Variants in DOK6 observed in about 807,000 individuals in gnomAD.
DOK6 encodes downstream of tyrosine kinase 6.
Under a neutral mutation model 44.0 loss-of-function variants are expected in DOK6, and 22 were observed. The ratio of observed to expected loss-of-function variants is 0.50; its 90% CI spans 0.36 to 0.71. The LOEUF is 0.71. DOK6 is among the 30% of genes least tolerant of loss of function. The probability of loss-of-function intolerance (pLI) is 0.00; values close to 1 mark genes in which losing one functional copy is unlikely to be tolerated. For synonymous variants in DOK6, 166 were observed against 145.5 expected, an observed-to-expected ratio of 1.14 and a Z score of -1.01; for missense variants, 340 against 416.4, an observed-to-expected ratio of 0.82 and a Z score of 1.60.
intron 3 of DOK6, among the ~76,000 whole-genome samples, chr18:69,658,793 GA>G (rs1377811273): frequency 6.6e-6 from 1 of 152,018 alleles, no homozygotes; most frequent in Non-Finnish European, 1.5e-5. Flanking sequence ...TTTCAACAAG[GA>G]AAAAGATTAA....
chr18:69,597,999 T>C (rs548265714), intron 2 of DOK6, among the ~76,000 whole-genome samples: 1 of 152,314 alleles, frequency 6.6e-6, no homozygotes, highest in East Asian at 1.9e-4. Context: ...CCACTCTCTG[T>C]AGTCTCCATT....
chr18:69,468,649 T>A (rs979380569), intron 1 of DOK6, among the ~76,000 whole-genome samples: 1 of 152,220 alleles, frequency 6.6e-6, no homozygotes, highest in African/African-American at 2.4e-5. Flanking sequence ...AGTTGAAAGA[T>A]CTTAAAAATA....
At chr18:69,577,874 T>C (rs1486348375) in intron 2 of DOK6, among the ~76,000 whole-genome samples, 1 of 152,122 alleles carries the variant, frequency 6.6e-6, no homozygotes, top group African/African-American at 2.4e-5. Context: ...ATCTTAGATA[T>C]CTATCGCCAA....
rs1157097390 is a variant in DOK6 at position 69,838,495 on chromosome 18, C to T, written c.857-2749C>T. Reference sequence around the variant, plus strand: ...CTTAGGGAGGCCTTTGCTGACCTCCCTAGTTACCAATCCTATTTGGCGATT... The same window carrying T: ...CTTAGGGAGGCCTTTGCTGACCTCCTTAGTTACCAATCCTATTTGGCGATT... On this transcript the variant is annotated intron_variant, in intron 7 of 7. Transcript: ENST00000382713. Among the ~76,000 whole-genome samples, 3 of 152,202 alleles carry T rather than the reference C, an allele frequency of 2.0e-5. No homozygotes were observed. The East Asian group carries it at 5.8e-4, about 29-fold the overall frequency.
intron 1 of DOK6, among the ~76,000 whole-genome samples, chr18:69,554,162 T>C (rs1290505497): frequency 1.3e-5 from 2 of 152,164 alleles, no homozygotes; most frequent in African/African-American, 2.4e-5. Flanking sequence ...AACTGGAGAC[T>C]AAAATGACTA....
At chr18:69,617,752 A>G (rs1984345895) in intron 3 of DOK6, among the ~76,000 whole-genome samples, 2 of 146,084 alleles carry the variant, frequency 1.4e-5, no homozygotes, top group Non-Finnish European at 3.1e-5. Context: ...GAAGGAAGGA[A>G]GGAAAGAAGG....
chr18:69,839,581 A>G lies in DOK6; in HGVS notation c.857-1663A>G, dbSNP rs118135122. ...AGGAAAGAAGATGCACTCAGCTGAG[A>G]TTAAAAGAATTTGATGAGGAGGCTG... is the stretch of plus-strand genomic sequence containing the variant. On this transcript the variant is annotated intron_variant, in intron 7 of 7. Coordinates refer to ENST00000382713, the MANE Select transcript of DOK6 (RefSeq NM_152721.6). Among the ~76,000 whole-genome samples, 1,324 of 152,310 alleles carry G rather than the reference A, an allele frequency of 8.7e-3. 21 individuals carry two copies. The highest frequency in any genetic ancestry group is 0.075 in the East Asian group (389 of 5,178).
rs1029862011 is a variant in DOK6 at position 69,589,266 on chromosome 18, A to G, written c.175-10118A>G. 4.6e-5 allele frequency among the ~76,000 whole-genome samples: 7 copies of G among 151,046 alleles called. No homozygotes were observed. The East Asian group carries it at 1.4e-3, about 29-fold the overall frequency. On this transcript the variant is annotated intron_variant, in intron 2 of 7. Transcript: ENST00000382713. ...AGTAAAATTTTCATTTTCTTTTCTT[A>G]GTAGAAAATAAATATTTTCCATCCT... is the stretch of plus-strand genomic sequence containing the variant.
chr18:69,565,528 T>C (rs1378197042), intron 2 of DOK6, among the ~76,000 whole-genome samples: 1 of 20,130 alleles, frequency 5.0e-5, no homozygotes, highest in Non-Finnish European at 1.4e-4. Flanking sequence ...TGTGTATATA[T>C]ATATACATAA....
intron 1 of DOK6, among the ~76,000 whole-genome samples, chr18:69,404,173 C>A (rs1333946926): frequency 6.6e-6 from 1 of 152,142 alleles, no homozygotes. Context: ...CTAATGTGCC[C>A]TTTGCTCTTC....
In DOK6 at chr18:69,747,209, T is replaced by C. The variant is rs555633422; in HGVS notation, c.738+8106T>C. Among the ~76,000 whole-genome samples, 3 of 152,230 alleles carry C rather than the reference T, an allele frequency of 2.0e-5. No homozygotes were observed. In the South Asian group the frequency reaches 6.2e-4, roughly 32 times the overall value. Reference sequence around the variant, plus strand: ...CAATTTATAAATGCTGAATTTCTTCTCTCTCAGTTGTATATAGATTTGTCT... The same window carrying C: ...CAATTTATAAATGCTGAATTTCTTCCCTCTCAGTTGTATATAGATTTGTCT... On this transcript the variant is annotated intron_variant, in intron 6 of 7. Transcript: ENST00000382713.
rs569581920 is a variant in DOK6 at position 69,463,379 on chromosome 18, C to T, written c.66+62069C>T. ...TTTCTCCCTCTCCCTTCAGAAGGAG[C>T]CCTTGGGAGTGCTCTTCAGCAGCCC... On this transcript the variant is annotated intron_variant, in intron 1 of 7. Transcript: ENST00000382713. Among the ~76,000 whole-genome samples the T allele has an allele frequency of 2.2e-4, 29 of 132,232 alleles. No homozygotes were observed. The South Asian group carries it at 2.6e-3, about 12-fold the overall frequency. The allele number at this position is 132,232 out of a possible 152,430, so 86.7% of individuals were successfully genotyped here.
intron 3 of DOK6, among the ~76,000 whole-genome samples, chr18:69,619,675 G>C (rs1005851642): frequency 6.6e-6 from 1 of 152,174 alleles, no homozygotes; most frequent in Non-Finnish European, 1.5e-5. Flanking sequence ...TGTTATTGGC[G>C]TAAAATACAA....
At chr18:69,687,291 C>A (rs1986173785) in intron 4 of DOK6, among the ~76,000 whole-genome samples, 1 of 152,082 alleles carries the variant, frequency 6.6e-6, no homozygotes, top group African/African-American at 2.4e-5. Flanking sequence ...TATGTTAATC[C>A]ATGAAGGGTG....
At chr18:69,782,066 T>TG (rs935247725) in intron 7 of DOK6, among the ~76,000 whole-genome samples, 4 of 150,652 alleles carry the variant, frequency 2.7e-5, no homozygotes, top group African/African-American at 9.7e-5. Flanking sequence ...ATAATTACTG[T>TG]GAAAAAAATG....
intron 7 of DOK6, among the ~76,000 whole-genome samples, chr18:69,766,807 G>A (rs1018173170): frequency 9.2e-5 from 14 of 152,110 alleles, no homozygotes; most frequent in African/African-American, 2.7e-4. Flanking sequence ...TCACTATGAC[G>A]TTTCTTTTTT....
At chr18:69,714,876 T>G (rs2144718502) in intron 5 of DOK6, among the ~76,000 whole-genome samples, 1 of 152,318 alleles carries the variant, frequency 6.6e-6, no homozygotes, top group East Asian at 1.9e-4. Flanking sequence ...ATTACTCCAA[T>G]AATACACGAA....
At chr18:69,493,447 T>C (rs1260688997) in intron 1 of DOK6, among the ~76,000 whole-genome samples, 6 of 152,178 alleles carry the variant, frequency 3.9e-5, no homozygotes, top group African/African-American at 1.4e-4. Flanking sequence ...GAAATTCAGA[T>C]ATTCAGCCTC....
At chr18:69,652,817 T>C (rs1486165840) in intron 3 of DOK6, among the ~76,000 whole-genome samples, 1 of 152,134 alleles carries the variant, frequency 6.6e-6, no homozygotes, top group East Asian at 1.9e-4. Context: ...AAGGAACATA[T>C]TATTTTTACT....
Sources: gnomAD v4.1 joint callset for allele counts (sites outside exome capture counted in the v4.1 genomes callset) on GRCh38, gnomAD v4.1.1 for gene constraint, MANE v1.5 for transcripts, NCBI Gene and HGNC (gene_info 2026-07-23, HGNC 2026-07-21) for gene names.